The following TMEM239 variants were observed in gnomAD, a reference collection of about 807,000 sequenced individuals.
TMEM239 encodes the protein transmembrane protein 239.
Under a neutral mutation model 14.6 loss-of-function variants are expected in TMEM239, and 10 were observed. That is an observed-to-expected ratio of 0.68 (90% CI 0.42 to 1.16). The LOEUF (loss-of-function observed/expected upper bound fraction) is 1.16. Ranked by LOEUF, TMEM239 falls within the 50% of genes most tolerant of loss-of-function variation. The pLI, the probability that TMEM239 is intolerant of heterozygous loss-of-function variation, is 0.00. For synonymous variants in TMEM239, 94 were observed against 89.9 expected (o/e 1.05, Z -0.26); for missense variants, 183 against 194.4 (o/e 0.94, Z 0.35).
downstream of TMEM239, chr20:2,819,946 G>T (rs555295996): frequency 6.6e-6 from 1 of 152,344 alleles, no homozygotes; most frequent in East Asian, 1.9e-4. Context: ...GCATAAGGGG[G>T]TATTATGAGA....
At chr20:2,816,092 A>G (rs1354094769), upstream of TMEM239, among the ~76,000 whole-genome samples, 1 of 152,152 alleles carries the variant, frequency 6.6e-6, no homozygotes, top group Non-Finnish European at 1.5e-5. Context: ...GCGAGAGAGC[A>G]GTTTGGAAAG....
chr20:2,819,576 A>AT (rs34492388), downstream of TMEM239: 19,239 of 127,358 alleles, frequency 0.15, 2,496 homozygotes, highest in African/African-American at 0.34. Context: ...CAGAGTCTGC[A>AT]TTTTTTTTTT....
rs2088686413 is a variant in TMEM239 at position 2,817,131 on chromosome 20, C to T, written c.*118C>T. The T allele has an allele frequency of 1.5e-6, 2 of 1,329,826 alleles. No homozygotes were observed. Among genetic ancestry groups the T allele is most frequent in the African/African-American group, 2.9e-5 (2 of 68,252 alleles). The allele number at this position is 1,329,826 out of a possible 1,614,324, so 82.4% of individuals were successfully genotyped here. On this transcript the variant is annotated 3_prime_UTR_variant, in exon 2 of 2. Coordinates refer to ENST00000380585, the MANE Select transcript of TMEM239 (RefSeq NM_001167670.3). The stretch of plus-strand genomic sequence containing the variant: ...CCCTGCCTTGGCAGGGCCCAGACCC[C>T]TAGTCCCTAACAGGTAGACTGGCCT...
chr20:2,815,853 TGG>T, upstream of TMEM239: 4 of 1,151,934 alleles, frequency 3.5e-6, no homozygotes, highest in Non-Finnish European at 3.7e-6. Context: ...TTCTCCTTCC[TGG>T]CTGGGCAGGT....
chr20:2,816,487 C>T (rs1459873001), intron 1 of TMEM239, 57 bp from the exon 2 acceptor site: 1 of 1,476,902 alleles, frequency 6.8e-7, no homozygotes, highest in East Asian at 2.6e-5. Flanking sequence ...TGCACCCCCT[C>T]TCTGCCCCCC....
downstream of TMEM239, chr20:2,819,631 G>A (rs987484045): frequency 4.1e-5 from 6 of 147,770 alleles, no homozygotes; most frequent in African/African-American, 1.5e-4. Flanking sequence ...AGGCTGGAGT[G>A]CAGTGGTGCA....
chr20:2,818,698 G>A, downstream of TMEM239: 1 of 152,358 alleles, frequency 6.6e-6, no homozygotes. Flanking sequence ...CTGAGGCTGG[G>A]CGTGAGTCCC....
upstream of TMEM239, chr20:2,815,875 C>A (rs559802018): frequency 7.6e-4 from 720 of 946,362 alleles, 4 homozygotes; most frequent in South Asian, 3.3e-3. Flanking sequence ...TGGGATGATA[C>A]CCCTTTCTTC....
chr20:2,816,598 G>T lies in TMEM239; in HGVS notation c.44G>T (p.Gly15Val), dbSNP rs751119552. Residue 15 changes from glycine to valine, a missense_variant, in exon 2 of 2, where the codon GGC becomes GTC. Transcript: ENST00000380585. ...GTGGAGACAGATACCATCGGGGCTG[G>T]CGAGGGGCCACAGCAGGCAGTGCCC... is the stretch of plus-strand genomic sequence containing the variant. ...PRVETDTIGA[G>V]EGPQQAVPWS... The T allele has an allele frequency of 6.5e-7, 1 of 1,537,460 alleles. No homozygotes were observed.
Position 2,816,756 on chromosome 20 carries a change from A to G in TMEM239, c.202A>G (p.Ile68Val). 2 of 1,550,862 alleles carry G rather than the reference A, an allele frequency of 1.3e-6. No individual in the cohort carries two copies. The highest frequency in any genetic ancestry group is 1.7e-6 in the Non-Finnish European group (2 of 1,146,946). ...GCGCCTGCTGTGGGGTCTGGAGGGG[A>G]TACTCTACCTGCTGCTGGCACTGAT... ...LQRLLWGLEGILYLLLALMLC... is the reference protein window; with the variant it reads ...LQRLLWGLEGVLYLLLALMLC... Residue 68 changes from isoleucine (I) to valine (V), a missense_variant, in exon 2 of 2, where the codon ATA (isoleucine) becomes GTA (valine). Physicochemically the swap from Ile to Val is conservative, Grantham distance 29. Transcript: ENST00000380585.
chr20:2,819,979 T>C (rs191694364), downstream of TMEM239: 1 of 152,202 alleles, frequency 6.6e-6, no homozygotes, highest in Admixed American at 6.5e-5. Context: ...CTGTTACTAG[T>C]GGGAGCAGGA....
chr20:2,816,031 C>T (rs1461321434), upstream of TMEM239, among the ~76,000 whole-genome samples: 2 of 152,188 alleles, frequency 1.3e-5, no homozygotes, highest in African/African-American at 2.4e-5. Context: ...GGGGCAGCCA[C>T]TCTGGCCTCC....
In TMEM239 at chr20:2,816,660, T is replaced by C. The variant is rs1355801260; in HGVS notation, c.106T>C (p.Trp36Arg). ...AWVTRHGWVR[W>R]WVSHMPPSWI... ...GGTCACGAGGCATGGCTGGGTGCGC[T>C]GGTGGGTGAGCCACATGCCCCCGAG... The change falls in exon 2 of 2, where the codon TGG becomes CGG. Residue 36 changes from tryptophan (W) to arginine (R), a missense_variant. Physicochemically the swap from Trp to Arg is moderately radical, Grantham distance 101 (BLOSUM62 -3). Coordinates refer to ENST00000380585, the MANE Select transcript of TMEM239 (RefSeq NM_001167670.3). 2.5e-5 allele frequency: 38 copies of C among 1,542,404 alleles called. No homozygotes were observed. Among genetic ancestry groups the C allele is most frequent in the Non-Finnish European group, 2.9e-5 (33 of 1,146,286 alleles).
intron 1 of TMEM239, 24 bp from the exon 2 acceptor site, chr20:2,816,520 T>C: frequency 7.9e-7 from 1 of 1,271,066 alleles, no homozygotes; most frequent in South Asian, 1.3e-5. Context: ...CCAGGCATCT[T>C]CAAGACCCTG....
downstream of TMEM239, chr20:2,818,801 C>T (rs1238110375): frequency 6.6e-6 from 1 of 152,252 alleles, no homozygotes; most frequent in East Asian, 1.9e-4. Flanking sequence ...AGGCAAGAAC[C>T]CCTGTCTTAG....
At position 2,817,034 on chromosome 20, in the gene TMEM239, G is replaced by A. The variant is rs1270563248; in HGVS notation, c.*21G>A. ...AATAGAAGGGCAACCCCATCCCACT[G>A]CCTGTGTCTGTTGAGCCCTGGCCTA... is the stretch of plus-strand genomic sequence containing the variant. On this transcript the variant is annotated 3_prime_UTR_variant, in exon 2 of 2. Coordinates refer to ENST00000380585, the MANE Select transcript of TMEM239 (RefSeq NM_001167670.3). The A allele has an allele frequency of 9.1e-6, 14 of 1,537,490 alleles. No individual in the cohort carries two copies. Among genetic ancestry groups the A allele is most frequent in the Non-Finnish European group, 1.2e-5 (14 of 1,146,880 alleles).
Position 2,816,924 on chromosome 20 carries a change from T to G in TMEM239, c.370T>G (p.Phe124Val). The change falls in exon 2 of 2, where the codon TTC becomes GTC. Residue 124 changes from phenylalanine (F) to valine (V), a missense_variant. Physicochemically the swap from Phe to Val is conservative, Grantham distance 50. Coordinates refer to ENST00000380585, the MANE Select transcript of TMEM239 (RefSeq NM_001167670.3). ...ALPALLFTAS[F>V]LLLFSTLLSL... ...GCCTGCCCTCCTCTTCACGGCCTCC[T>G]TCCTGCTGCTCTTCTCCACACTGCT... is the stretch of plus-strand genomic sequence containing the variant. 1 of 1,539,526 alleles carries G rather than the reference T, an allele frequency of 6.5e-7. No individual in the cohort carries two copies. Among genetic ancestry groups the G allele is most frequent in the Non-Finnish European group, 8.7e-7 (1 of 1,147,070 alleles).
Position 2,816,743 on chromosome 20 carries a change from G to T in TMEM239, c.189G>T (p.Trp63Cys), listed in dbSNP as rs1454525097. ...NWRQPLQRLL[W>C]GLEGILYLLL... The stretch of plus-strand genomic sequence containing the variant: ...GGCAACCGCTGCAGCGCCTGCTGTG[G>T]GGTCTGGAGGGGATACTCTACCTGC... The change falls in exon 2 of 2, where the codon TGG (tryptophan) becomes TGT (cysteine). Residue 63 changes from tryptophan to cysteine, a missense_variant. By Grantham distance (215) the Trp-to-Cys change is radical. Transcript: ENST00000380585. 1 of 1,550,622 alleles carries T rather than the reference G, an allele frequency of 6.4e-7. No individual in the cohort carries two copies. Among genetic ancestry groups the T allele is most frequent in the South Asian group, 1.2e-5 (1 of 84,052 alleles).
Position 2,816,415 on chromosome 20 carries a change from G to A in TMEM239, c.-12G>A. The A allele has an allele frequency of 6.5e-7, 1 of 1,535,932 alleles. No homozygotes were observed. The highest frequency in any genetic ancestry group is 8.7e-7 in the Non-Finnish European group (1 of 1,146,850). ...AACATGACTTAGGTAACTGCCCAGAGGTAAGTCCCAGTCCCTAATTCTGTA... is the reference window on the plus strand; with the variant it reads ...AACATGACTTAGGTAACTGCCCAGAAGTAAGTCCCAGTCCCTAATTCTGTA... On this transcript the variant is annotated splice_region_variant and 5_prime_UTR_variant, in exon 1 of 2. Coordinates refer to ENST00000380585, the MANE Select transcript of TMEM239 (RefSeq NM_001167670.3).
Sources: allele counts gnomAD v4.1 joint callset (sites outside exome capture counted in the v4.1 genomes callset), GRCh38; gene constraint gnomAD v4.1.1; transcripts MANE v1.5; gene names NCBI Gene and HGNC (gene_info 2026-07-23, HGNC 2026-07-21).